Variants in SIMC1 observed in about 807,000 individuals in gnomAD.
SIMC1 encodes the protein SUMO interacting motifs containing 1.
Under a neutral mutation model 82.3 loss-of-function variants are expected in SIMC1, and 55 were observed. That is an observed-to-expected ratio of 0.67 (90% CI 0.54 to 0.84). SIMC1 has a LOEUF of 0.84. SIMC1 is among the 40% of genes least tolerant of loss of function. SIMC1 has a pLI of 0.00. For missense variants in SIMC1, 915 were observed against 1,107.2 expected (o/e 0.83, Z 2.46); for synonymous variants, 353 against 426.3 (o/e 0.83, Z 2.12).
At chr5:176,245,509 T>C (rs1216495707) in intron 1 of SIMC1, among the ~76,000 whole-genome samples, 1 of 152,228 alleles carries the variant, frequency 6.6e-6, no homozygotes, top group African/African-American at 2.4e-5. Context: ...GAAACTAATA[T>C]AGCCTCTTGT....
intron 4 of SIMC1, chr5:176,308,542 A>G (rs1235375340): frequency 6.2e-7 from 1 of 1,602,280 alleles, no homozygotes; most frequent in Non-Finnish European, 8.5e-7. Context: ...TTCATAGAAG[A>G]TAAGAACACA....
intron 6 of SIMC1, among the ~76,000 whole-genome samples, chr5:176,324,265 C>T (rs1245424523): frequency 6.6e-6 from 1 of 152,176 alleles, no homozygotes; most frequent in Non-Finnish European, 1.5e-5. Flanking sequence ...TTTTAAGTCA[C>T]TCTGGACCTG....
chr5:176,312,578 A>G (rs1764711155), intron 4 of SIMC1, among the ~76,000 whole-genome samples: 2 of 149,070 alleles, frequency 1.3e-5, no homozygotes, highest in East Asian at 2.0e-4. Flanking sequence ...CAGGTACATG[A>G]TTTTTTAAAA....
Position 176,244,804 on chromosome 5 carries a change from C to T in SIMC1, c.129+6167C>T, listed in dbSNP as rs537409090. ...TGGCGCAATCTCAGCTCACTGCAAC[C>T]TCCACCTACCTGGCTCAAGTGATTC... On this transcript the variant is annotated intron_variant, in intron 1 of 9. Coordinates refer to ENST00000429602, the MANE Select transcript of SIMC1 (RefSeq NM_001308195.2). Among the ~76,000 whole-genome samples, 744 of 150,348 alleles carry T rather than the reference C, an allele frequency of 4.9e-3. 11 individuals carry two copies. Among genetic ancestry groups the T allele is most frequent in the African/African-American group, 0.017 (685 of 40,854 alleles).
intron 1 of SIMC1, among the ~76,000 whole-genome samples, chr5:176,274,573 C>T (rs975367312): frequency 2.0e-5 from 3 of 151,820 alleles, no homozygotes; most frequent in South Asian, 2.1e-4. Context: ...GATATGACGT[C>T]CTTGCCCTTG....
chr5:176,280,578 T>G (rs2113219999), intron 1 of SIMC1, among the ~76,000 whole-genome samples: 1 of 152,352 alleles, frequency 6.6e-6, no homozygotes, highest in South Asian at 2.1e-4. Flanking sequence ...TGGTACCGGT[T>G]GTTCCTTTCC....
chr5:176,315,848 A>G (rs1456818835), intron 5 of SIMC1, among the ~76,000 whole-genome samples: 1 of 152,210 alleles, frequency 6.6e-6, no homozygotes, highest in East Asian at 1.9e-4. Context: ...TAGAGAATCA[A>G]CAGAGAGCAC....
intron 3 of SIMC1, among the ~76,000 whole-genome samples, chr5:176,295,520 G>C (rs1317296033): frequency 6.6e-6 from 1 of 152,138 alleles, no homozygotes; most frequent in Non-Finnish European, 1.5e-5. Flanking sequence ...TGGTTACCAG[G>C]GTTCATTCTG....
At chr5:176,303,241 G>A (rs1311728589) in intron 4 of SIMC1, among the ~76,000 whole-genome samples, 1 of 144,044 alleles carries the variant, frequency 6.9e-6, no homozygotes, top group African/African-American at 2.6e-5. Context: ...GCATTCCAGT[G>A]TGGGTGACAG....
At chr5:176,255,619 C>T (rs1372401621) in intron 1 of SIMC1, among the ~76,000 whole-genome samples, 3 of 138,342 alleles carry the variant, frequency 2.2e-5, no homozygotes, top group Non-Finnish European at 4.6e-5. Context: ...GCTAACTTGA[C>T]TTTAAAGAGA....
chr5:176,258,154 TC>T (rs1761907696), intron 1 of SIMC1, among the ~76,000 whole-genome samples: 1 of 152,246 alleles, frequency 6.6e-6, no homozygotes, highest in African/African-American at 2.4e-5. Context: ...AGCTAGTGTT[TC>T]GATTTTGAAT....
intron 1 of SIMC1, among the ~76,000 whole-genome samples, chr5:176,286,014 T>C (rs1454524595): frequency 1.3e-5 from 2 of 152,236 alleles, no homozygotes; most frequent in African/African-American, 2.4e-5. Flanking sequence ...GAACATTCCA[T>C]GCTCATGGAT....
chr5:176,345,299 T>C lies in SIMC1; in HGVS notation c.2530T>C (p.Phe844Leu). The C allele has an allele frequency of 6.2e-7, 1 of 1,613,998 alleles. No homozygotes were observed. The change falls in exon 10 of 10, where the codon TTC becomes CTC. Residue 844 changes from phenylalanine to leucine, a missense_variant. Around this residue, in one of 2 missense-constraint regions of SIMC1, gnomAD observed 902 missense variants for 1,040.3 expected, o/e 0.87. Coordinates refer to ENST00000429602, the MANE Select transcript of SIMC1 (RefSeq NM_001308195.2). The stretch of plus-strand genomic sequence containing the variant: ...AGACGTAGAGAAGCAGATTGAGGCC[T>C]TCCGCAGCCGCCTGATCCAGATGCT... ...VVDVEKQIEA[F>L]RSRLIQMLGE...
chr5:176,256,449 C>T (rs1484413474), intron 1 of SIMC1, among the ~76,000 whole-genome samples: 1 of 152,114 alleles, frequency 6.6e-6, no homozygotes, highest in East Asian at 1.9e-4. Flanking sequence ...ATACTCAGAC[C>T]TTCTATGGCA....
intron 4 of SIMC1, among the ~76,000 whole-genome samples, chr5:176,305,687 G>A (rs62405169): frequency 1.5e-4 from 15 of 103,242 alleles, no homozygotes; most frequent in African/African-American, 1.6e-4. Context: ...CCGGCCAGCC[G>A]CCCCGTCCGG....
rs897310986 is a variant in SIMC1 at position 176,336,927 on chromosome 5, A to T, written c.2328+51A>T. 7.5e-6 allele frequency: 12 copies of T among 1,606,774 alleles called. No individual in the cohort carries two copies. The Admixed American group carries it at 1.0e-4, about 14-fold the overall frequency. On this transcript the variant is annotated intron_variant, in intron 8 of 9. Transcript: ENST00000429602. ...GGCCTAGAGCACCTCTCTTTGCTCT[A>T]GGCCCGAACCCTTCCCATAGGATTT... is the stretch of plus-strand genomic sequence containing the variant.
intron 1 of SIMC1, among the ~76,000 whole-genome samples, chr5:176,275,964 T>C (rs1762672050): frequency 6.6e-6 from 1 of 151,724 alleles, no homozygotes; most frequent in Non-Finnish European, 1.5e-5. Flanking sequence ...CCGGCTTTGG[T>C]ATCAGGATGA....
chr5:176,297,781 A>C (rs1197969170), intron 4 of SIMC1, among the ~76,000 whole-genome samples: 1 of 152,222 alleles, frequency 6.6e-6, no homozygotes, highest in Non-Finnish European at 1.5e-5. Flanking sequence ...ATATATCCTC[A>C]TACCCTGTTT....
chr5:176,269,203 A>G (rs963785602), intron 1 of SIMC1, among the ~76,000 whole-genome samples: 14 of 152,280 alleles, frequency 9.2e-5, no homozygotes, highest in Non-Finnish European at 1.9e-4. Flanking sequence ...AAGTAGAAAG[A>G]AGGAAATAAT....
Sources: allele counts gnomAD v4.1 joint callset (sites outside exome capture counted in the v4.1 genomes callset), GRCh38; gene constraint gnomAD v4.1.1; regional missense constraint gnomAD v4.1.1; transcripts MANE v1.5; gene names NCBI Gene and HGNC (gene_info 2026-07-23, HGNC 2026-07-21).